The following CLDN16 variants were observed in gnomAD, a reference collection of about 807,000 sequenced individuals.
The protein encoded by CLDN16 is claudin 16.
Under a neutral mutation model 24.6 loss-of-function variants are expected in CLDN16, and 13 were observed. The observed-to-expected ratio is 0.53, with a 90% confidence interval of 0.34 to 0.84. The LOEUF is 0.84. CLDN16 is among the 40% of genes least tolerant of loss of function. The pLI, the probability that CLDN16 is intolerant of heterozygous loss-of-function variation, is 0.01. For missense variants in CLDN16, 298 were observed against 292.7 expected, an observed-to-expected ratio of 1.02 and a Z score of -0.13; for synonymous variants, 116 against 106.7, an observed-to-expected ratio of 1.09 and a Z score of -0.54.
the CLDN16 span, among the ~76,000 whole-genome samples, chr3:190,298,655 A>T: frequency 2.8e-4 from 42 of 152,120 alleles, no homozygotes; most frequent in South Asian, 1.2e-3. Context: ...GGGTTTCTCC[A>T]TGTTTCTCCC....
At chr3:190,403,038 A>G (rs1719002045) in intron 2 of CLDN16, among the ~76,000 whole-genome samples, 1 of 152,166 alleles carries the variant, frequency 6.6e-6, no homozygotes, top group Admixed American at 6.5e-5. Context: ...GCTTTAAATT[A>G]TAGTTAAAGC....
chr3:190,370,655 T>C (rs1718119376), intron 1 of CLDN16, among the ~76,000 whole-genome samples: 1 of 151,940 alleles, frequency 6.6e-6, no homozygotes, highest in Non-Finnish European at 1.5e-5. Flanking sequence ...TGGTTAATAC[T>C]GAGTGTCAAC....
intron 1 of CLDN16, among the ~76,000 whole-genome samples, chr3:190,325,665 T>C (rs1395542670): frequency 2.0e-5 from 3 of 152,116 alleles, no homozygotes; most frequent in African/African-American, 4.8e-5. Context: ...GAAGAGAGTG[T>C]AGACAAAGAA....
At chr3:190,334,101 C>T (rs1451516748) in intron 1 of CLDN16, among the ~76,000 whole-genome samples, 2 of 151,956 alleles carry the variant, frequency 1.3e-5, no homozygotes, top group African/African-American at 4.8e-5. Flanking sequence ...TGCTACTCTG[C>T]CAAAATGATG....
chr3:190,325,025 T>A (rs2108619180), intron 1 of CLDN16, among the ~76,000 whole-genome samples: 1 of 152,322 alleles, frequency 6.6e-6, no homozygotes, highest in African/African-American at 2.4e-5. Flanking sequence ...TTCCTCAGTT[T>A]CCCTACCAAT....
the CLDN16 span, among the ~76,000 whole-genome samples, chr3:190,301,932 TC>T: frequency 1.1e-4 from 16 of 152,346 alleles, no homozygotes; most frequent in East Asian, 2.7e-3. Flanking sequence ...AGACTTATTA[TC>T]TTTTGCTTTC....
At chr3:190,311,930 A>T in the CLDN16 span, among the ~76,000 whole-genome samples, 23 of 148,990 alleles carry the variant, frequency 1.5e-4, no homozygotes, top group Non-Finnish European at 2.7e-4. Context: ...ACTTGAATTA[A>T]AAAACAGATA....
rs201641346 is a variant in CLDN16, at chr3:190,408,475, G to T, written c.544G>T (p.Val182Phe). The part of the protein sequence containing the change: ...GSLGCFLAGA[V>F]LTCCLYLFKD... ...TCTGGGTTGCTTTTTGGCTGGAGCT[G>T]TTCTCACCTGCTGCTTATATCTTTT... Residue 182 changes from valine to phenylalanine, a missense_variant, in exon 4 of 5, where the codon GTT (valine) becomes TTT (phenylalanine). By Grantham distance (50) the Val-to-Phe change is conservative (BLOSUM62 -1). Coordinates refer to ENST00000264734, the MANE Select transcript of CLDN16 (RefSeq NM_006580.4). 2.5e-6 allele frequency: 4 copies of T among 1,613,976 alleles called. No homozygotes were observed. In the South Asian group the frequency reaches 4.4e-5, roughly 18 times the overall value.
intron 1 of CLDN16, among the ~76,000 whole-genome samples, chr3:190,334,910 A>G (rs1201516269): frequency 6.6e-6 from 1 of 152,170 alleles, no homozygotes; most frequent in African/African-American, 2.4e-5. Context: ...TCTAGGCAGT[A>G]GAATCTCTGG....
intron 1 of CLDN16, among the ~76,000 whole-genome samples, chr3:190,335,902 C>T (rs888795675): frequency 2.6e-5 from 4 of 151,818 alleles, no homozygotes; most frequent in Middle Eastern, 3.2e-3. Context: ...TGAATCAGAC[C>T]CCAGCTTGGT....
At chr3:190,362,626 C>T (rs771432121) in intron 1 of CLDN16, among the ~76,000 whole-genome samples, 5 of 152,114 alleles carry the variant, frequency 3.3e-5, no homozygotes, top group Admixed American at 6.5e-5. Flanking sequence ...CAGCCGGCAA[C>T]GTGAACCAGT....
chr3:190,340,544 C>G (rs1007709865), intron 1 of CLDN16, among the ~76,000 whole-genome samples: 6 of 152,108 alleles, frequency 3.9e-5, no homozygotes, highest in African/African-American at 1.4e-4. Flanking sequence ...TACCTGCTAC[C>G]AGGTCCATCC....
chr3:190,331,360 G>T (rs1046028818), intron 1 of CLDN16, among the ~76,000 whole-genome samples: 3 of 152,112 alleles, frequency 2.0e-5, no homozygotes, highest in African/African-American at 7.2e-5. Context: ...ACAGCCAAAG[G>T]CTTGTTTATT....
chr3:190,381,919 T>G (rs1485385593), intron 3 of CLDN16, among the ~76,000 whole-genome samples: 2 of 152,000 alleles, frequency 1.3e-5, no homozygotes, highest in African/African-American at 2.4e-5. Context: ...AGAGCTGACA[T>G]TGACTTCATG....
At chr3:190,391,101 T>C (rs1214533638) in intron 1 of CLDN16, among the ~76,000 whole-genome samples, 1 of 152,160 alleles carries the variant, frequency 6.6e-6, no homozygotes, top group African/African-American at 2.4e-5. Flanking sequence ...TAATCCATTG[T>C]TGGACAAAAG....
chr3:190,305,058 CA>C, the CLDN16 span, among the ~76,000 whole-genome samples: 1 of 152,192 alleles, frequency 6.6e-6, no homozygotes, highest in African/African-American at 2.4e-5. Flanking sequence ...TCTGTAGAAA[CA>C]GAGTGAGAAT....
In CLDN16 at chr3:190,404,826, C is replaced by A; in HGVS notation, c.282C>A (p.Leu94=). The change falls in exon 3 of 5, where the codon CTC becomes CTA. Residue 94 remains leucine (L), a synonymous_variant. Transcript: ENST00000264734. ...TADILAGFGF[L]TLLLGLDCVK... ...ATATTCTAGCTGGGTTTGGATTTCT[C>A]ACCCTGCTCCTTGGTCTTGACTGCG... 6.2e-7 allele frequency: 1 copy of A among 1,614,076 alleles called. No homozygotes were observed. The highest frequency in any genetic ancestry group is 8.5e-7 in the Non-Finnish European group (1 of 1,179,946).
the CLDN16 span, among the ~76,000 whole-genome samples, chr3:190,308,729 TTA>T: frequency 2.6e-5 from 4 of 152,172 alleles, no homozygotes; most frequent in African/African-American, 9.7e-5. Context: ...TAAAGCATGT[TTA>T]TATGTTTTAG....
intron 1 of CLDN16, among the ~76,000 whole-genome samples, chr3:190,358,087 T>C (rs1717814662): frequency 6.6e-6 from 1 of 151,814 alleles, no homozygotes; most frequent in Non-Finnish European, 1.5e-5. Flanking sequence ...GGATAAGCAG[T>C]ATTACGAAAA....
Sources: allele counts gnomAD v4.1 joint callset (sites outside exome capture counted in the v4.1 genomes callset), GRCh38; gene constraint gnomAD v4.1.1; transcripts MANE v1.5; gene names NCBI Gene and HGNC (gene_info 2026-07-23, HGNC 2026-07-21).